PPP1R8: variants seen among roughly 807,000 people sequenced by gnomAD.
PPP1R8 encodes nuclear inhibitor of protein phosphatase 1.
A neutral mutation model predicts 31.3 loss-of-function variants in PPP1R8; 4 were observed. That is an observed-to-expected ratio of 0.13 (90% CI 0.06 to 0.29). The LOEUF is 0.29. Among genes scored for constraint, PPP1R8 ranks in the 10% least tolerant of loss-of-function variants. PPP1R8 has a pLI of 1.00. For missense variants in PPP1R8, 254 were observed against 440.1 expected, an observed-to-expected ratio of 0.58 and a Z score of 3.78; for synonymous variants, 170 against 169.7, an observed-to-expected ratio of 1.00 and a Z score of -0.01.
intron 2 of PPP1R8, among the ~76,000 whole-genome samples, chr1:27,836,972 A>G (rs2089173101): frequency 6.6e-6 from 1 of 152,160 alleles, no homozygotes; most frequent in South Asian, 2.1e-4. Context: ...ATACATTTGA[A>G]TGTTTATTTT....
At chr1:27,840,076 A>G (rs1034506303) in intron 3 of PPP1R8, among the ~76,000 whole-genome samples, 2 of 152,144 alleles carry the variant, frequency 1.3e-5, no homozygotes, top group Non-Finnish European at 2.9e-5. Context: ...TAAAAATAAA[A>G]TACTCCATAA....
chr1:27,842,605 A>T (rs1451147089), intron 4 of PPP1R8, among the ~76,000 whole-genome samples: 1 of 152,168 alleles, frequency 6.6e-6, no homozygotes, highest in South Asian at 2.1e-4. Flanking sequence ...CAAGCAACAG[A>T]GCTAAGGCCA....
chr1:27,835,784 G>A (rs760783071), intron 2 of PPP1R8, among the ~76,000 whole-genome samples: 2 of 152,146 alleles, frequency 1.3e-5, no homozygotes, highest in African/African-American at 2.4e-5. Context: ...TTTCTAACCC[G>A]GCCCACAAGT....
chr1:27,850,049 T>C (rs1460259274), intron 6 of PPP1R8, 44 bp from the exon 7 acceptor site: 1 of 1,502,256 alleles, frequency 6.7e-7, no homozygotes, highest in African/African-American at 1.4e-5. Context: ...TCACCTCTTG[T>C]CTTCTCTCTC....
intron 5 of PPP1R8, among the ~76,000 whole-genome samples, chr1:27,844,895 T>C (rs1473861664): frequency 4.7e-5 from 6 of 127,370 alleles, no homozygotes; most frequent in Non-Finnish European, 9.8e-5. Context: ...TTTTTTTTTT[T>C]TTTTTTTTTT....
chr1:27,843,140 TC>T (rs765709132), intron 4 of PPP1R8, 45 bp from the exon 5 acceptor site: 159 of 1,603,938 alleles, frequency 9.9e-5, no homozygotes, highest in Non-Finnish European at 1.2e-4. Context: ...TCCATCAGAT[TC>T]CCTTTGTACT....
chr1:27,845,249 G>A (rs2089264731), intron 5 of PPP1R8, among the ~76,000 whole-genome samples: 1 of 150,872 alleles, frequency 6.6e-6, no homozygotes, highest in African/African-American at 2.4e-5. Flanking sequence ...AATTAGCTGG[G>A]TGTGGTGGCG....
At chr1:27,846,966 C>T in intron 5 of PPP1R8, 62 bp from the exon 6 acceptor site, 5 of 1,356,596 alleles carry the variant, frequency 3.7e-6, no homozygotes, top group Non-Finnish European at 5.3e-6. Context: ...TGCAGTGACT[C>T]CTGTGCCCTT....
chr1:27,833,434 AATTAT>A (rs2089131390), intron 2 of PPP1R8, among the ~76,000 whole-genome samples: 1 of 152,190 alleles, frequency 6.6e-6, no homozygotes, highest in Admixed American at 6.5e-5. Flanking sequence ...AAAATTACAT[AATTAT>A]ATTTGAATTA....
chr1:27,840,970 T>G lies in PPP1R8; in HGVS notation c.272-44T>G, dbSNP rs762502668. On this transcript the variant is annotated intron_variant, in intron 3 of 6. Transcript: ENST00000311772. ...ATACTCTTCCTTCTAAAACTCAGGT[T>G]GTTTTTGTTTTCCCCCTTACGTTTC... 4.9e-5 allele frequency: 78 copies of G among 1,588,184 alleles called. 1 individual carries two copies. The Admixed American group carries it at 1.2e-3, about 24-fold the overall frequency.
chr1:27,836,204 A>C (rs920319508), intron 2 of PPP1R8, among the ~76,000 whole-genome samples: 6 of 152,196 alleles, frequency 3.9e-5, no homozygotes. Flanking sequence ...TGTTTAAAGG[A>C]AAAACACAAC....
In PPP1R8 at chr1:27,850,358, A is replaced by C. The variant is rs755730379; in HGVS notation, c.968A>C (p.Asn323Thr). The C allele has an allele frequency of 1.2e-6, 2 of 1,612,830 alleles. No individual in the cohort carries two copies. Among genetic ancestry groups the C allele is most frequent in the Non-Finnish European group, 1.7e-6 (2 of 1,179,408 alleles). Residue 323 changes from asparagine (N) to threonine (T), a missense_variant, in exon 7 of 7, where the codon AAC becomes ACC. Coordinates refer to ENST00000311772, the MANE Select transcript of PPP1R8 (RefSeq NM_014110.5). ...CCTGCACCAAACCCTGCAGTCTATA[A>C]CCCTGAAGCTGTAAATGAACCCAAG... Reference protein sequence around the residue: ...MNPAPNPAVYNPEAVNEPKKK... With the variant: ...MNPAPNPAVYTPEAVNEPKKK...
At chr1:27,837,774 C>CAA (rs11305451) in intron 2 of PPP1R8, among the ~76,000 whole-genome samples, 6 of 101,512 alleles carry the variant, frequency 5.9e-5, no homozygotes, top group Middle Eastern at 0.01. Flanking sequence ...GACTTAGTCT[C>CAA]AAAAAAAAAA....
chr1:27,837,081 A>G (rs1337696367), intron 2 of PPP1R8, among the ~76,000 whole-genome samples: 1 of 151,832 alleles, frequency 6.6e-6, no homozygotes, highest in Non-Finnish European at 1.5e-5. Context: ...TTCCTAATTG[A>G]TCTAAAATTA....
Position 27,832,831 on chromosome 1 carries a change from G to A in PPP1R8, c.117+15G>A. 6.3e-7 allele frequency: 1 copy of A among 1,595,816 alleles called. No individual in the cohort carries two copies. The highest frequency in any genetic ancestry group is 1.3e-5 in the African/African-American group (1 of 74,506). ...AACTAATTGAGGTATGGAAATACAT[G>A]TCTTACTTTTTTGGCTGCCACACTA... On this transcript the variant is annotated intron_variant, in intron 2 of 6. Coordinates refer to ENST00000311772, the MANE Select transcript of PPP1R8 (RefSeq NM_014110.5).
At position 27,851,636 on chromosome 1, in the gene PPP1R8, C is replaced by A; in HGVS notation, c.*1190C>A. On this transcript the variant is annotated 3_prime_UTR_variant, in exon 7 of 7. Coordinates refer to ENST00000311772, the MANE Select transcript of PPP1R8 (RefSeq NM_014110.5). The stretch of plus-strand genomic sequence containing the variant: ...GGCTTGGGAGGCAATGCTCCATCCC[C>A]ATTATATTACAAATAAAGATGCCCT... The A allele has an allele frequency of 2.0e-6, 1 of 491,378 alleles. No individual in the cohort carries two copies. Among genetic ancestry groups the A allele is most frequent in the Admixed American group, 2.1e-5 (1 of 47,558 alleles). The allele number at this position is 491,378 out of a possible 1,614,324, so 30.4% of individuals were successfully genotyped here. A position where few individuals can be genotyped will look rare whatever the true frequency, so the allele number is the denominator to read the frequency against.
chr1:27,834,559 G>A (rs763266253), intron 2 of PPP1R8: 2 of 517,396 alleles, frequency 3.9e-6, no homozygotes, highest in South Asian at 2.8e-5. Context: ...TAACTCAGAG[G>A]CACAACTGGA....
chr1:27,848,218 C>T (rs886636505), intron 6 of PPP1R8, among the ~76,000 whole-genome samples: 17 of 152,020 alleles, frequency 1.1e-4, no homozygotes, highest in Non-Finnish European at 1.5e-4. Context: ...CTGGCGAACA[C>T]GGTGAAACCC....
At position 27,830,824 on chromosome 1, in the gene PPP1R8, G is replaced by C. The variant is rs772719531; in HGVS notation, c.-12G>C. 6.4e-7 allele frequency: 1 copy of C among 1,573,862 alleles called. No homozygotes were observed. The highest frequency in any genetic ancestry group is 8.6e-7 in the Non-Finnish European group (1 of 1,160,616). ...TGCTTAGGGCGCGCCAAATGGGAGG[G>C]GGAGACGCAAGATGGCGGCAGCCGC... On this transcript the variant is annotated 5_prime_UTR_variant, in exon 1 of 7. Coordinates refer to ENST00000311772, the MANE Select transcript of PPP1R8 (RefSeq NM_014110.5).
Sources: gnomAD v4.1 joint callset for allele counts (sites outside exome capture counted in the v4.1 genomes callset) on GRCh38, gnomAD v4.1.1 for gene constraint, MANE v1.5 for transcripts, NCBI Gene and HGNC (gene_info 2026-07-23, HGNC 2026-07-21) for gene names.